The following LSAMP variants were observed in gnomAD, a reference collection of about 807,000 sequenced individuals.
LSAMP encodes limbic system associated membrane protein, also known as limbic system-associated membrane protein.
Under a neutral mutation model 38.6 loss-of-function variants are expected in LSAMP, and 7 were observed. The ratio of observed to expected loss-of-function variants is 0.18; its 90% CI spans 0.10 to 0.34. The LOEUF (loss-of-function observed/expected upper bound fraction) is 0.34, where lower values mean the gene tolerates loss of function less well. Ranked by LOEUF, LSAMP falls within the 10% of genes least tolerant of loss-of-function variation. LSAMP has a pLI of 1.00. For missense variants in LSAMP, 313 were observed against 420.0 expected, an observed-to-expected ratio of 0.75 and a Z score of 2.23; for synonymous variants, 154 against 166.8, an observed-to-expected ratio of 0.92 and a Z score of 0.59.
chr3:115,996,973 G>A (rs1939832674), intron 3 of LSAMP, among the ~76,000 whole-genome samples: 1 of 152,154 alleles, frequency 6.6e-6, no homozygotes, highest in South Asian at 2.1e-4. Flanking sequence ...TGACTGGCTG[G>A]CAAGATCCAC....
At chr3:116,280,150 A>G (rs543028661) in intron 1 of LSAMP, among the ~76,000 whole-genome samples, 1 of 152,352 alleles carries the variant, frequency 6.6e-6, no homozygotes, top group Non-Finnish European at 1.5e-5. Flanking sequence ...AAGACAAAAA[A>G]ATAGAAAGTA....
At chr3:116,352,116 T>G (rs760896854) in intron 1 of LSAMP, among the ~76,000 whole-genome samples, 4 of 152,076 alleles carry the variant, frequency 2.6e-5, no homozygotes, top group Non-Finnish European at 5.9e-5. Context: ...TCTAGGTGTT[T>G]AAGCAGAAAG....
intron 1 of LSAMP, among the ~76,000 whole-genome samples, chr3:116,113,270 A>G (rs937032910): frequency 2.7e-5 from 4 of 148,916 alleles, no homozygotes; most frequent in Non-Finnish European, 5.9e-5. Flanking sequence ...GTATTTGGCC[A>G]TGTTAAGTCA....
At chr3:115,929,693 T>G (rs1937550011) in intron 3 of LSAMP, among the ~76,000 whole-genome samples, 2 of 152,174 alleles carry the variant, frequency 1.3e-5, no homozygotes, top group African/African-American at 4.8e-5. Context: ...TATAAAATTC[T>G]AAATATATTT....
intron 1 of LSAMP, among the ~76,000 whole-genome samples, chr3:116,159,755 T>C (rs1709838343): frequency 2.0e-5 from 3 of 152,212 alleles, no homozygotes; most frequent in African/African-American, 4.8e-5. Flanking sequence ...TAAATCATTC[T>C]ACTGTAAAGA....
At chr3:115,980,132 A>G (rs569265290) in intron 3 of LSAMP, among the ~76,000 whole-genome samples, 2 of 152,250 alleles carry the variant, frequency 1.3e-5, no homozygotes, top group South Asian at 4.1e-4. Flanking sequence ...TTAACCTAGA[A>G]TTGGAAGAAG....
chr3:115,881,037 AAAATAAATAAAT>A (rs141822663), intron 3 of LSAMP, among the ~76,000 whole-genome samples: 11 of 142,940 alleles, frequency 7.7e-5, no homozygotes, highest in Admixed American at 2.1e-4. Flanking sequence ...CTCTGTCTCA[AAAATAAATAAAT>A]AAATAAATAA....
At chr3:116,179,541 A>G (rs1710434251) in intron 1 of LSAMP, among the ~76,000 whole-genome samples, 2 of 152,178 alleles carry the variant, frequency 1.3e-5, no homozygotes. Context: ...CAGACTGTAC[A>G]GGAGCATAGC....
intron 3 of LSAMP, among the ~76,000 whole-genome samples, chr3:115,864,159 T>C (rs972727075): frequency 6.6e-6 from 1 of 152,104 alleles, no homozygotes; most frequent in Non-Finnish European, 1.5e-5. Context: ...TTGCCCATGA[T>C]TGAGAGGTGT....
chr3:115,840,898 T>G (rs1934977596), intron 6 of LSAMP, among the ~76,000 whole-genome samples: 1 of 152,260 alleles, frequency 6.6e-6, no homozygotes, highest in Non-Finnish European at 1.5e-5. Flanking sequence ...ACTTTTCCCT[T>G]TAGTCCAAAT....
chr3:116,035,074 T>A (rs926756416), intron 2 of LSAMP, among the ~76,000 whole-genome samples: 1 of 152,182 alleles, frequency 6.6e-6, no homozygotes, highest in Non-Finnish European at 1.5e-5. Flanking sequence ...AACAGTTATG[T>A]AAGTGAAAAA....
chr3:116,295,991 G>A (rs551129980), intron 1 of LSAMP, among the ~76,000 whole-genome samples: 2 of 152,242 alleles, frequency 1.3e-5, no homozygotes, highest in South Asian at 4.2e-4. Flanking sequence ...ACTCATTCCC[G>A]CTAAGTTTAA....
chr3:116,158,213 TAA>T lies in LSAMP; in HGVS notation c.156-71659_156-71658del, dbSNP rs1489988210. Among the ~76,000 whole-genome samples the T allele has an allele frequency of 3.9e-5, 6 of 152,222 alleles. No individual in the cohort carries two copies. The East Asian group carries it at 1.2e-3, about 29-fold the overall frequency. Reference sequence around the variant, plus strand: ...ATTGAAGGAACATACTTCATAATAATAAGAGCCATCTATGACAAACCCACAGC... The same window carrying T: ...ATTGAAGGAACATACTTCATAATAATGAGCCATCTATGACAAACCCACAGC... On this transcript the variant is annotated intron_variant, in intron 1 of 6. Coordinates refer to ENST00000490035, the MANE Select transcript of LSAMP (RefSeq NM_002338.5).
intron 1 of LSAMP, among the ~76,000 whole-genome samples, chr3:116,408,727 A>G (rs2048931791): frequency 6.6e-6 from 1 of 152,136 alleles, no homozygotes; most frequent in Admixed American, 6.6e-5. Context: ...CTAACTCCAA[A>G]GTCAATGCTT....
rs766109210 is a variant in LSAMP at position 115,808,503 on chromosome 3, T to A, written c.*1814A>T. The A allele has an allele frequency of 6.6e-6, 1 of 152,136 alleles. No homozygotes were observed. The highest frequency in any genetic ancestry group is 6.5e-5 in the Admixed American group (1 of 15,278). 9.4% of individuals were successfully genotyped at this position (152,136 alleles called of 1,614,324 possible). ...GTAACACCAAGCTTTGTGGTACTCA[T>A]AAAATTTCTGTCTAAATTTATTACA... On this transcript the variant is annotated 3_prime_UTR_variant, in exon 7 of 7. Transcript: ENST00000490035.
At chr3:115,848,817 T>TG (rs1363973258) in intron 4 of LSAMP, among the ~76,000 whole-genome samples, 6 of 152,178 alleles carry the variant, frequency 3.9e-5, no homozygotes, top group African/African-American at 1.4e-4. Flanking sequence ...AGCTGTTCAA[T>TG]GGGGCGGGGA....
intron 3 of LSAMP, among the ~76,000 whole-genome samples, chr3:116,003,820 A>C (rs548928947): frequency 6.6e-6 from 1 of 152,274 alleles, no homozygotes; most frequent in African/African-American, 2.4e-5. Flanking sequence ...AGAAGTAAGG[A>C]AAGTTTTCCC....
chr3:116,147,733 T>G (rs1709521818), intron 1 of LSAMP, among the ~76,000 whole-genome samples: 1 of 151,910 alleles, frequency 6.6e-6, no homozygotes, highest in Admixed American at 6.6e-5. Flanking sequence ...GTGTCATTGA[T>G]TTTATCAGCA....
intron 1 of LSAMP, among the ~76,000 whole-genome samples, chr3:116,290,112 T>G (rs1311454598): frequency 6.6e-6 from 1 of 151,096 alleles, no homozygotes; most frequent in Non-Finnish European, 1.5e-5. Flanking sequence ...ATCAATCTGA[T>G]GAATTCTAGA....
Sources: gnomAD v4.1 joint callset for allele counts (sites outside exome capture counted in the v4.1 genomes callset) on GRCh38, gnomAD v4.1.1 for gene constraint, MANE v1.5 for transcripts, NCBI Gene and HGNC (gene_info 2026-07-23, HGNC 2026-07-21) for gene names.